The following GPATCH2 variants were observed in gnomAD, a reference collection of about 807,000 sequenced individuals.
GPATCH2 encodes G patch domain-containing protein 2.
In GPATCH2, 51 loss-of-function variants were observed where a neutral mutation model predicts 58.0. The ratio of observed to expected loss-of-function variants is 0.88; its 90% CI spans 0.70 to 1.11. GPATCH2 has a LOEUF of 1.11. Among genes scored for constraint, GPATCH2 ranks in the 50% most tolerant of loss-of-function variants. The pLI is 0.00. For synonymous variants in GPATCH2, 222 were observed against 218.5 expected, an observed-to-expected ratio of 1.02 and a Z score of -0.14; for missense variants, 625 against 652.2, an observed-to-expected ratio of 0.96 and a Z score of 0.45.
chr1:217,455,877 G>A (rs1195276899), intron 8 of GPATCH2, among the ~76,000 whole-genome samples: 1 of 152,050 alleles, frequency 6.6e-6, no homozygotes, highest in Non-Finnish European at 1.5e-5. Context: ...ACAGACAAAA[G>A]AGCAGAAGCA....
chr1:217,529,580 C>G (rs1664089124), intron 5 of GPATCH2, among the ~76,000 whole-genome samples: 1 of 152,168 alleles, frequency 6.6e-6, no homozygotes, highest in African/African-American at 2.4e-5. Context: ...GTGCGGTACC[C>G]TTGAAATTCT....
rs554219102 is a variant in GPATCH2 at position 217,558,488 on chromosome 1, A to T, written c.1099-43599T>A. ...CCTTTATGTAGACTACATGCATCCA[A>T]CTGATTACGAAAAAGTCAAGAACCA... On this transcript the variant is annotated intron_variant, in intron 5 of 9. Coordinates refer to ENST00000366935, the MANE Select transcript of GPATCH2 (RefSeq NM_018040.5). 3.3e-5 allele frequency among the ~76,000 whole-genome samples: 5 copies of T among 152,324 alleles called. No individual in the cohort carries two copies. In the South Asian group the frequency reaches 8.3e-4, roughly 25 times the overall value.
chr1:217,459,202 A>G (rs1660090315), intron 8 of GPATCH2, among the ~76,000 whole-genome samples: 1 of 152,230 alleles, frequency 6.6e-6, no homozygotes, highest in East Asian at 1.9e-4. Flanking sequence ...AGTATCAGTT[A>G]TTCTTAGATG....
intron 5 of GPATCH2, among the ~76,000 whole-genome samples, chr1:217,603,408 A>G (rs987268107): frequency 1.3e-5 from 2 of 152,202 alleles, no homozygotes; most frequent in Non-Finnish European, 2.9e-5. Flanking sequence ...TAAATGAACA[A>G]ATATACTACT....
At chr1:217,544,693 C>T (rs143918378) in intron 5 of GPATCH2, among the ~76,000 whole-genome samples, 7 of 152,176 alleles carry the variant, frequency 4.6e-5, no homozygotes, top group African/African-American at 9.6e-5. Context: ...TCTCGCTCTT[C>T]GGTTCTTCAC....
intron 8 of GPATCH2, among the ~76,000 whole-genome samples, chr1:217,474,474 G>A (rs1267146633): frequency 6.6e-6 from 1 of 152,150 alleles, no homozygotes; most frequent in Non-Finnish European, 1.5e-5. Context: ...TGGACATAAA[G>A]AAAACCACCA....
Position 217,619,910 on chromosome 1 carries a change from T to C in GPATCH2, c.646A>G (p.Ile216Val). ...KNKVKKRKLKIIRQGPKIQDE... is the reference protein window; with the variant it reads ...KNKVKKRKLKVIRQGPKIQDE... ...TGGATTTTTGGTCCTTGTCTGATTA[T>C]TTTCAACTTTCTTTTTTTGACTTTG... Residue 216 changes from isoleucine (I) to valine (V), a missense_variant, in exon 2 of 10, where the codon ATA (isoleucine) becomes GTA (valine). Physicochemically the swap from Ile to Val is conservative, Grantham distance 29. Transcript: ENST00000366935. The C allele has an allele frequency of 6.2e-7, 1 of 1,614,002 alleles. No individual in the cohort carries two copies. The highest frequency in any genetic ancestry group is 8.5e-7 in the Non-Finnish European group (1 of 1,179,914).
At chr1:217,613,777 T>G (rs1321718218) in intron 3 of GPATCH2, among the ~76,000 whole-genome samples, 2 of 152,186 alleles carry the variant, frequency 1.3e-5, no homozygotes, top group Non-Finnish European at 2.9e-5. Context: ...GAAATCCACC[T>G]TTATGAATGC....
intron 5 of GPATCH2, among the ~76,000 whole-genome samples, chr1:217,545,503 A>C (rs113741126): frequency 6.6e-6 from 1 of 152,244 alleles, no homozygotes; most frequent in Non-Finnish European, 1.5e-5. Flanking sequence ...AAATAAAAGG[A>C]AAGGATTTTC....
chr1:217,499,245 TCAA>T (rs940814525), intron 6 of GPATCH2, among the ~76,000 whole-genome samples: 19 of 152,176 alleles, frequency 1.2e-4, no homozygotes, highest in African/African-American at 4.6e-4. Flanking sequence ...ATTTATGATT[TCAA>T]CAACCATAAT....
At chr1:217,454,218 C>A (rs1337545028) in intron 8 of GPATCH2, among the ~76,000 whole-genome samples, 2 of 152,088 alleles carry the variant, frequency 1.3e-5, no homozygotes, top group African/African-American at 2.4e-5. Context: ...TCCTTTAGTA[C>A]CCAAACGCAC....
intron 5 of GPATCH2, among the ~76,000 whole-genome samples, chr1:217,598,963 A>G (rs1667986220): frequency 6.6e-6 from 1 of 152,192 alleles, no homozygotes; most frequent in Non-Finnish European, 1.5e-5. Flanking sequence ...TAACAGAGTG[A>G]CCTCAAAAGT....
At chr1:217,570,834 T>C (rs1433126491) in intron 5 of GPATCH2, among the ~76,000 whole-genome samples, 1 of 152,218 alleles carries the variant, frequency 6.6e-6, no homozygotes, top group East Asian at 1.9e-4. Context: ...TGGTAAGAAA[T>C]GTCATGTATT....
intron 5 of GPATCH2, among the ~76,000 whole-genome samples, chr1:217,581,015 C>CA (rs761336891): frequency 0.46 from 11,980 of 26,016 alleles, 3,132 homozygotes; most frequent in Non-Finnish European, 0.47. Context: ...GACTCCGTCT[C>CA]AAAAAAAAAA....
Position 217,530,634 on chromosome 1 carries a change from T to C in GPATCH2, c.1099-15745A>G, listed in dbSNP as rs146570956. 2.4e-3 allele frequency among the ~76,000 whole-genome samples: 364 copies of C among 152,314 alleles called. 2 individuals are homozygous for C. The highest frequency in any genetic ancestry group is 7.6e-3 in the African/African-American group (317 of 41,574). On this transcript the variant is annotated intron_variant, in intron 5 of 9. Coordinates refer to ENST00000366935, the MANE Select transcript of GPATCH2 (RefSeq NM_018040.5). ...TCACCACTTCTTTCAGTGAATTAAC[T>C]GAAAATAAAAATCAAATGAATAATT...
intron 1 of GPATCH2, among the ~76,000 whole-genome samples, chr1:217,628,275 T>C (rs1272925984): frequency 1.3e-5 from 2 of 152,048 alleles, no homozygotes; most frequent in African/African-American, 4.8e-5. Flanking sequence ...CCAAATTTTC[T>C]GCTACATTAA....
chr1:217,436,467 T>G (rs575373000), intron 9 of GPATCH2, among the ~76,000 whole-genome samples: 7 of 152,334 alleles, frequency 4.6e-5, no homozygotes, highest in African/African-American at 1.7e-4. Flanking sequence ...TCCAAAAGCC[T>G]ACACACATTT....
At chr1:217,622,044 T>A (rs536427825) in intron 1 of GPATCH2, among the ~76,000 whole-genome samples, 1 of 152,206 alleles carries the variant, frequency 6.6e-6, no homozygotes, top group Non-Finnish European at 1.5e-5. Context: ...AGAGCTCCAA[T>A]GTTCACCAAA....
chr1:217,450,409 T>C (rs1659606046), intron 8 of GPATCH2, among the ~76,000 whole-genome samples: 1 of 152,128 alleles, frequency 6.6e-6, no homozygotes, highest in South Asian at 2.1e-4. Context: ...TTTAAACACA[T>C]ATACTCATAT....
Sources: allele counts gnomAD v4.1 joint callset (sites outside exome capture counted in the v4.1 genomes callset), GRCh38; gene constraint gnomAD v4.1.1; transcripts MANE v1.5; gene names NCBI Gene and HGNC (gene_info 2026-07-23, HGNC 2026-07-21).